Variants in GRID1 observed in about 807,000 individuals in gnomAD.
GRID1 encodes the protein glutamate ionotropic receptor delta type subunit 1.
GRID1 carries 28 observed loss-of-function variants against 98.0 expected under a neutral mutation model. The ratio of observed to expected loss-of-function variants is 0.29; its 90% CI spans 0.21 to 0.39. The LOEUF is 0.39. GRID1 is among the 10% of genes least tolerant of loss of function. The pLI, the probability that GRID1 is intolerant of heterozygous loss-of-function variation, is 1.00. For missense variants in GRID1, 1,111 were observed against 1,340.5 expected, an observed-to-expected ratio of 0.83 and a Z score of 2.67; for synonymous variants, 553 against 538.5, an observed-to-expected ratio of 1.03 and a Z score of -0.37.
At chr10:86,198,615 A>G (rs1216053899) in intron 3 of GRID1, among the ~76,000 whole-genome samples, 1 of 152,190 alleles carries the variant, frequency 6.6e-6, no homozygotes, top group Non-Finnish European at 1.5e-5. Flanking sequence ...CAATTTTACA[A>G]ATGAAAAAAC....
chr10:85,704,763 A>T (rs1841495617), intron 12 of GRID1, among the ~76,000 whole-genome samples: 1 of 152,222 alleles, frequency 6.6e-6, no homozygotes, highest in Non-Finnish European at 1.5e-5. Context: ...AATTATAACA[A>T]ACTATCTTTC....
intron 12 of GRID1, among the ~76,000 whole-genome samples, chr10:85,649,239 C>T (rs1398475002): frequency 6.6e-6 from 1 of 152,210 alleles, no homozygotes; most frequent in Admixed American, 6.5e-5. Context: ...CTGTGGATGC[C>T]TCCCCTTGCT....
At chr10:86,101,954 T>C (rs1341459519) in intron 4 of GRID1, among the ~76,000 whole-genome samples, 2 of 152,228 alleles carry the variant, frequency 1.3e-5, no homozygotes, top group African/African-American at 4.8e-5. Context: ...CTGAAGGACA[T>C]TGGGATGGTT....
intron 8 of GRID1, among the ~76,000 whole-genome samples, chr10:85,786,214 A>T (rs549327827): frequency 1.3e-5 from 2 of 152,302 alleles, no homozygotes; most frequent in Admixed American, 6.5e-5. Context: ...AGCCAGCCTA[A>T]GTGACACGAT....
At chr10:85,868,079 T>G (rs1843238785) in intron 6 of GRID1, among the ~76,000 whole-genome samples, 1 of 152,208 alleles carries the variant, frequency 6.6e-6, no homozygotes, top group South Asian at 2.1e-4. Context: ...GTCTCTGTTC[T>G]GCAACCCCAA....
At chr10:86,096,588 C>G (rs1011763073) in intron 4 of GRID1, among the ~76,000 whole-genome samples, 2 of 152,226 alleles carry the variant, frequency 1.3e-5, no homozygotes, top group African/African-American at 4.8e-5. Context: ...GACTTATCCT[C>G]TGTCACAGTA....
In GRID1 at chr10:86,300,121, GAGA is replaced by G. The variant is rs573736842; in HGVS notation, c.235+63817_235+63819del. Among the ~76,000 whole-genome samples the G allele has an allele frequency of 7.2e-5, 11 of 152,246 alleles. No individual in the cohort carries two copies. In the South Asian group the frequency reaches 2.3e-3, roughly 32 times the overall value. On this transcript the variant is annotated intron_variant, in intron 2 of 15. Coordinates refer to ENST00000327946, the MANE Select transcript of GRID1 (RefSeq NM_017551.3). The stretch of plus-strand genomic sequence containing the variant: ...AGAGAACACACAGAGACATTGCAGA[GAGA>G]AGAAGCCCATTTGAGGATGGTGGCA...
intron 4 of GRID1, among the ~76,000 whole-genome samples, chr10:85,949,331 C>T (rs1242041890): frequency 1.3e-5 from 2 of 152,132 alleles, no homozygotes; most frequent in African/African-American, 4.8e-5. Flanking sequence ...CTTCCAGACC[C>T]TTTCTATGCA....
At chr10:86,315,934 C>A (rs1416222360) in intron 2 of GRID1, among the ~76,000 whole-genome samples, 3 of 152,152 alleles carry the variant, frequency 2.0e-5, no homozygotes, top group African/African-American at 7.2e-5. Flanking sequence ...ATCTATCCAT[C>A]CATCCATTTA....
At position 85,601,953 on chromosome 10, in the gene GRID1, G is replaced by A; in HGVS notation, c.*320C>T. On this transcript the variant is annotated 3_prime_UTR_variant, in exon 16 of 16. Coordinates refer to ENST00000327946, the MANE Select transcript of GRID1 (RefSeq NM_017551.3). The stretch of plus-strand genomic sequence containing the variant: ...GGTCGCCCCTCCTGCCCTCAGAAAG[G>A]CCCAGGAATGGGGGGGCTCCTTTGG... 1 of 259,604 alleles carries A rather than the reference G, an allele frequency of 3.9e-6. No homozygotes were observed. Among genetic ancestry groups the A allele is most frequent in the Non-Finnish European group, 7.3e-6 (1 of 136,774 alleles). 16.1% of individuals were successfully genotyped at this position (259,604 alleles called of 1,614,324 possible).
At chr10:86,069,094 T>A (rs1843760252) in intron 4 of GRID1, among the ~76,000 whole-genome samples, 1 of 151,842 alleles carries the variant, frequency 6.6e-6, no homozygotes, top group African/African-American at 2.4e-5. Context: ...TTGGGAGGAC[T>A]GAGGATGGGC....
chr10:85,982,157 T>C (rs892616847), intron 4 of GRID1, among the ~76,000 whole-genome samples: 1 of 145,734 alleles, frequency 6.9e-6, no homozygotes, highest in Non-Finnish European at 1.5e-5. Flanking sequence ...GGCCATTTAG[T>C]GAGGGCCTTG....
intron 2 of GRID1, among the ~76,000 whole-genome samples, chr10:86,295,994 G>A (rs1232768446): frequency 2.0e-5 from 3 of 152,198 alleles, no homozygotes; most frequent in African/African-American, 7.2e-5. Context: ...AGAGAGGTTT[G>A]AGGGGCTTAG....
intron 13 of GRID1, among the ~76,000 whole-genome samples, chr10:85,644,491 G>A (rs557525005): frequency 1.4e-3 from 213 of 152,196 alleles, no homozygotes; most frequent in Non-Finnish European, 2.0e-3. Context: ...TAGTTGACCC[G>A]TATGAAATTG....
intron 9 of GRID1, among the ~76,000 whole-genome samples, chr10:85,729,218 G>A (rs1317463704): frequency 6.6e-6 from 1 of 152,092 alleles, no homozygotes; most frequent in Non-Finnish European, 1.5e-5. Flanking sequence ...TTACATCCAA[G>A]AACAAATGGA....
Position 85,599,802 on chromosome 10 carries a change from A to AAAAAAATATATATATATATATATAT in GRID1, c.*2470_*2471insATATATATATATATATATATTTTTT. The AAAAAAATATATATATATATATATAT allele has an allele frequency of 1.0e-3, 68 of 64,898 alleles. No individual in the cohort carries two copies. The highest frequency in any genetic ancestry group is 3.4e-3 in the South Asian group (7 of 2,060). The allele number at this position is 64,898 out of a possible 1,614,324, so 4.0% of individuals were successfully genotyped here. On this transcript the variant is annotated 3_prime_UTR_variant, in exon 16 of 16. Coordinates refer to ENST00000327946, the MANE Select transcript of GRID1 (RefSeq NM_017551.3). The stretch of plus-strand genomic sequence containing the variant: ...GTAGAAAATTCTAAAAAAAAAAAAA[A>AAAAAAATATATATATATATATATAT]ATATATATATATATATATAAACATG...
chr10:86,024,550 G>A (rs1331403802), intron 4 of GRID1, among the ~76,000 whole-genome samples: 1 of 152,202 alleles, frequency 6.6e-6, no homozygotes, highest in Non-Finnish European at 1.5e-5. Flanking sequence ...TCACTGCGAG[G>A]AGCCTCACCA....
chr10:86,243,824 G>T (rs1436353058), intron 2 of GRID1, among the ~76,000 whole-genome samples: 3 of 152,114 alleles, frequency 2.0e-5, no homozygotes, highest in African/African-American at 4.8e-5. Flanking sequence ...CCAGCACAAG[G>T]CGGGCAGATG....
At chr10:85,612,270 C>T (rs1380432965) in intron 15 of GRID1, among the ~76,000 whole-genome samples, 2 of 151,252 alleles carry the variant, frequency 1.3e-5, no homozygotes, top group African/African-American at 2.4e-5. Context: ...CCCAGCCTTG[C>T]TGTCCAGAGG....
Sources: allele counts gnomAD v4.1 joint callset (sites outside exome capture counted in the v4.1 genomes callset), GRCh38; gene constraint gnomAD v4.1.1; transcripts MANE v1.5; gene names NCBI Gene and HGNC (gene_info 2026-07-23, HGNC 2026-07-21).